Variants in SLC2A12 observed in about 807,000 individuals in gnomAD.
The protein encoded by SLC2A12 is solute carrier family 2, facilitated glucose transporter member 12.
SLC2A12 carries 23 observed loss-of-function variants against 41.8 expected under a neutral mutation model. That is an observed-to-expected ratio of 0.55 (90% CI 0.40 to 0.78). SLC2A12 has a LOEUF of 0.78. SLC2A12 is among the 30% of genes least tolerant of loss of function. The pLI is 0.00. For missense variants in SLC2A12, 654 were observed against 745.6 expected (o/e 0.88, Z 1.43); for synonymous variants, 295 against 285.9 (o/e 1.03, Z -0.32).
At chr6:134,020,042 AGT>A (rs1777021482) in intron 2 of SLC2A12, among the ~76,000 whole-genome samples, 1 of 150,338 alleles carries the variant, frequency 6.7e-6, no homozygotes, top group African/African-American at 2.5e-5. Context: ...AAAAAAAAAA[AGT>A]ATGTAAGATT....
intron 2 of SLC2A12, among the ~76,000 whole-genome samples, chr6:134,021,544 G>A (rs1384438149): frequency 1.3e-5 from 2 of 152,134 alleles, no homozygotes; most frequent in African/African-American, 2.4e-5. Context: ...ATACTTTACA[G>A]CATCTAAAGC....
intron 4 of SLC2A12, among the ~76,000 whole-genome samples, chr6:133,997,596 C>T (rs1331322339): frequency 6.6e-6 from 1 of 152,072 alleles, no homozygotes; most frequent in Non-Finnish European, 1.5e-5. Context: ...GGGAGCTAAA[C>T]ATTGGGTACT....
intron 4 of SLC2A12, among the ~76,000 whole-genome samples, chr6:133,992,289 G>T (rs942187196): frequency 6.6e-6 from 1 of 152,170 alleles, no homozygotes; most frequent in African/African-American, 2.4e-5. Flanking sequence ...CATAGATGTA[G>T]GTAGGTTAGA....
chr6:134,047,255 A>G (rs887071743), intron 1 of SLC2A12, among the ~76,000 whole-genome samples: 1 of 152,184 alleles, frequency 6.6e-6, no homozygotes, highest in African/African-American at 2.4e-5. Flanking sequence ...ACTCTATTCA[A>G]TTTTAAAATC....
At chr6:134,022,684 A>G (rs1464650429) in intron 2 of SLC2A12, among the ~76,000 whole-genome samples, 2 of 152,258 alleles carry the variant, frequency 1.3e-5, no homozygotes, top group Non-Finnish European at 2.9e-5. Context: ...AAAGCTTTGA[A>G]GATTTGTAAA....
intron 3 of SLC2A12, among the ~76,000 whole-genome samples, chr6:134,006,054 C>T (rs1562192514): frequency 6.6e-6 from 1 of 151,728 alleles, no homozygotes; most frequent in Admixed American, 6.6e-5. Context: ...TGCCTGTAAT[C>T]CCAGCTGCTC....
At chr6:134,032,435 TATATATATATATAA>T (rs1777225222) in intron 1 of SLC2A12, among the ~76,000 whole-genome samples, 1 of 37,182 alleles carries the variant, frequency 2.7e-5, no homozygotes, top group Non-Finnish European at 5.6e-5. Context: ...TTTATATATA[TATATATATATATAA>T]ATATATATAT....
intron 2 of SLC2A12, among the ~76,000 whole-genome samples, chr6:134,016,432 C>G (rs1400149306): frequency 6.6e-6 from 1 of 151,982 alleles, no homozygotes; most frequent in Admixed American, 6.6e-5. Flanking sequence ...TCATCTGGCC[C>G]CCTTCATGTT....
intron 3 of SLC2A12, among the ~76,000 whole-genome samples, chr6:134,003,034 G>A (rs904380260): frequency 3.9e-5 from 6 of 152,272 alleles, no homozygotes; most frequent in South Asian, 4.1e-4. Flanking sequence ...AGTCAACTAC[G>A]AACAACAAGA....
rs187187617 is a variant in SLC2A12 at position 134,012,059 on chromosome 6, T to G, written c.1445-5125A>C. Among the ~76,000 whole-genome samples the G allele has an allele frequency of 1.7e-4, 26 of 152,110 alleles. 1 individual carries two copies. The highest frequency in any genetic ancestry group is 6.8e-3 in the Middle Eastern group (2 of 294). On this transcript the variant is annotated intron_variant, in intron 2 of 4. Coordinates refer to ENST00000275230, the MANE Select transcript of SLC2A12 (RefSeq NM_145176.3). Reference sequence around the variant, plus strand: ...TGCCTCCCCCAAAATAAATAAATAATAAATAAATAAACCCCACTATAGGAT... The same window carrying G: ...TGCCTCCCCCAAAATAAATAAATAAGAAATAAATAAACCCCACTATAGGAT...
At chr6:134,006,389 C>G (rs1477393115) in intron 3 of SLC2A12, among the ~76,000 whole-genome samples, 1 of 151,862 alleles carries the variant, frequency 6.6e-6, no homozygotes, top group African/African-American at 2.4e-5. Context: ...ATTTCAGTGA[C>G]TTGTAAGTTA....
Position 134,043,649 on chromosome 6 carries a change from A to G in SLC2A12, c.103+8729T>C, listed in dbSNP as rs527514880. ...TCTAGTAAAAATACAAAAATTAGCA[A>G]GGTGTGGTGGCATGTGCCTGTAGTC... On this transcript the variant is annotated intron_variant, in intron 1 of 4. Coordinates refer to ENST00000275230, the MANE Select transcript of SLC2A12 (RefSeq NM_145176.3). 3.8e-3 allele frequency among the ~76,000 whole-genome samples: 583 copies of G among 151,814 alleles called. 5 individuals carry two copies. Among genetic ancestry groups the G allele is most frequent in the South Asian group, 0.019 (90 of 4,798 alleles).
Position 134,050,557 on chromosome 6 carries a change from T to C in SLC2A12, c.103+1821A>G, listed in dbSNP as rs6933451. On this transcript the variant is annotated intron_variant, in intron 1 of 4. Coordinates refer to ENST00000275230, the MANE Select transcript of SLC2A12 (RefSeq NM_145176.3). ...AATTGTGAATTTGTACAATATAAGCTATTAAGAGCACATTGTACCTTCAAA... is the reference window on the plus strand; with the variant it reads ...AATTGTGAATTTGTACAATATAAGCCATTAAGAGCACATTGTACCTTCAAA... 9.8e-3 allele frequency among the ~76,000 whole-genome samples: 1,491 copies of C among 152,322 alleles called. 24 individuals are homozygous for C. Among genetic ancestry groups the C allele is most frequent in the African/African-American group, 0.035 (1,441 of 41,550 alleles).
intron 2 of SLC2A12, among the ~76,000 whole-genome samples, chr6:134,027,734 T>G (rs887036955): frequency 3.3e-5 from 5 of 152,202 alleles, no homozygotes; most frequent in African/African-American, 4.8e-5. Context: ...GTGTTTATAC[T>G]TTGTCATTAG....
chr6:134,014,299 T>G (rs2114445857), intron 2 of SLC2A12, among the ~76,000 whole-genome samples: 2 of 152,278 alleles, frequency 1.3e-5, no homozygotes, highest in Admixed American at 1.3e-4. Flanking sequence ...TCAGCTTCAC[T>G]TGCTCACCCA....
chr6:133,997,443 G>T (rs1237921638), intron 4 of SLC2A12, among the ~76,000 whole-genome samples: 1 of 152,146 alleles, frequency 6.6e-6, no homozygotes, highest in Non-Finnish European at 1.5e-5. Flanking sequence ...AGAAAATGTG[G>T]TATATATACA....
At chr6:134,050,690 C>T (rs776746365) in intron 1 of SLC2A12, among the ~76,000 whole-genome samples, 7 of 152,112 alleles carry the variant, frequency 4.6e-5, no homozygotes, top group Non-Finnish European at 8.8e-5. Context: ...ATTTAGTGAG[C>T]CCTTTTGTTA....
intron 1 of SLC2A12, among the ~76,000 whole-genome samples, chr6:134,041,634 G>C (rs896507074): frequency 6.6e-6 from 1 of 152,116 alleles, no homozygotes; most frequent in Admixed American, 6.5e-5. Context: ...TCCTTGCTTG[G>C]TGAAGGTTCC....
At chr6:134,014,855 T>C (rs1776934551) in intron 2 of SLC2A12, among the ~76,000 whole-genome samples, 1 of 152,268 alleles carries the variant, frequency 6.6e-6, no homozygotes, top group Admixed American at 6.5e-5. Flanking sequence ...CTGTACTTCT[T>C]GCTGTGGTTA....
Sources: gnomAD v4.1 joint callset for allele counts (sites outside exome capture counted in the v4.1 genomes callset) on GRCh38, gnomAD v4.1.1 for gene constraint, MANE v1.5 for transcripts, NCBI Gene and HGNC (gene_info 2026-07-23, HGNC 2026-07-21) for gene names.